ZNF256: variants seen among roughly 807,000 people sequenced by gnomAD.
ZNF256 encodes zinc finger protein 256, also known as bone marrow zinc finger 3.
In ZNF256, 4 loss-of-function variants were observed where a neutral mutation model predicts 7.9. That is an observed-to-expected ratio of 0.50 (90% CI 0.25 to 1.15). The LOEUF is 1.15. ZNF256 is among the 50% of genes most tolerant of loss of function. The probability of loss-of-function intolerance (pLI) is 0.15; values close to 1 mark genes in which losing one functional copy is unlikely to be tolerated. For synonymous variants in ZNF256, 260 were observed against 260.4 expected, an observed-to-expected ratio of 1.00 and a Z score of 0.02; for missense variants, 666 against 755.9, an observed-to-expected ratio of 0.88 and a Z score of 1.39.
At position 57,941,323 on chromosome 19, in the gene ZNF256, C is replaced by T; in HGVS notation, c.1485G>A (p.Glu495=). The change falls in exon 3 of 3, where the codon GAG becomes GAA. Residue 495 remains glutamate, a synonymous_variant. Coordinates refer to ENST00000282308, the MANE Select transcript of ZNF256 (RefSeq NM_005773.3). ...HTGARPYECG[E]CGKSFTHSST... is the part of the protein sequence containing the mutation. ...AGCTATGAGTAAATGATTTCCCACA[C>T]TCCCCACATTCATAAGGCCTTGCTC... 6.2e-7 allele frequency: 1 copy of T among 1,612,982 alleles called. No individual in the cohort carries two copies.
chr19:57,945,679 C>G (rs929820846), intron 1 of ZNF256, among the ~76,000 whole-genome samples: 10 of 152,204 alleles, frequency 6.6e-5, no homozygotes, highest in African/African-American at 1.9e-4. Flanking sequence ...ACAGCTTACA[C>G]TAGTGGAAGC....
chr19:57,947,680 C>G lies in ZNF256; in HGVS notation c.-206G>C, dbSNP rs559708462. The G allele has an allele frequency of 1.1e-3, 498 of 448,202 alleles. 1 individual carries two copies. Among genetic ancestry groups the G allele is most frequent in the African/African-American group, 9.3e-3 (463 of 49,538 alleles). The allele number at this position is 448,202 out of a possible 1,614,324, so 27.8% of individuals were successfully genotyped here. A position where few individuals can be genotyped will look rare whatever the true frequency, so the allele number is the denominator to read the frequency against. On this transcript the variant is annotated 5_prime_UTR_variant, in exon 1 of 3. Coordinates refer to ENST00000282308, the MANE Select transcript of ZNF256 (RefSeq NM_005773.3). ...CAGTCCAGACAAATGCCAAAACGAC[C>G]GCCACAAGGAGGACAACGGAAGTCC...
chr19:57,941,029 G>T lies in ZNF256; in HGVS notation c.1779C>A (p.His593Gln). Residue 593 changes from histidine (H) to glutamine (Q), a missense_variant, in exon 3 of 3, where the codon CAC becomes CAA. Coordinates refer to ENST00000282308, the MANE Select transcript of ZNF256 (RefSeq NM_005773.3). ...SFSQSSNLTN[H>Q]QRIHSGERPY... ...GCCTTTCCCCACTGTGAATTCGCTGGTGATTAGTGAGGTTAGAGCTCTGGC... is the reference window on the plus strand; with the variant it reads ...GCCTTTCCCCACTGTGAATTCGCTGTTGATTAGTGAGGTTAGAGCTCTGGC... 2 of 1,614,126 alleles carry T rather than the reference G, an allele frequency of 1.2e-6. No homozygotes were observed. Among genetic ancestry groups the T allele is most frequent in the Non-Finnish European group, 1.7e-6 (2 of 1,180,030 alleles).
At chr19:57,945,058 GC>G (rs1158843315) in intron 1 of ZNF256, among the ~76,000 whole-genome samples, 1 of 151,982 alleles carries the variant, frequency 6.6e-6, no homozygotes, top group Non-Finnish European at 1.5e-5. Flanking sequence ...ATCACGCCTG[GC>G]TAATTTTTTA....
In ZNF256 at chr19:57,942,271, C is replaced by T. The variant is rs1327242163; in HGVS notation, c.537G>A (p.Val179=). The change falls in exon 3 of 3, where the codon GTG becomes GTA. Residue 179 remains valine (V), a synonymous_variant. Coordinates refer to ENST00000282308, the MANE Select transcript of ZNF256 (RefSeq NM_005773.3). ...TCKEVGKDFL[V]RSRFLQQQAA... Reference sequence around the variant, plus strand: ...CCTGTTGCTGAAGAAATCTTGATCTCACCAGGAAATCCTTCCCAACCTCCT... The same window carrying T: ...CCTGTTGCTGAAGAAATCTTGATCTTACCAGGAAATCCTTCCCAACCTCCT... 2 of 1,614,224 alleles carry T rather than the reference C, an allele frequency of 1.2e-6. No homozygotes were observed. Among genetic ancestry groups the T allele is most frequent in the South Asian group, 1.1e-5 (1 of 91,082 alleles).
Position 57,940,846 on chromosome 19 carries a change from G to A in ZNF256, c.*78C>T, listed in dbSNP as rs55778111. The A allele has an allele frequency of 2.6e-5, 37 of 1,406,230 alleles. No homozygotes were observed. Among genetic ancestry groups the A allele is most frequent in the Admixed American group, 9.0e-5 (4 of 44,366 alleles). 87.1% of individuals were successfully genotyped at this position (1,406,230 alleles called of 1,614,324 possible). ...TATAAAACATGGTTATTGAAAATACGTATTTATTTATTTATGTCTGTGAAT... is the reference window on the plus strand; with the variant it reads ...TATAAAACATGGTTATTGAAAATACATATTTATTTATTTATGTCTGTGAAT... On this transcript the variant is annotated 3_prime_UTR_variant, in exon 3 of 3. Transcript: ENST00000282308.
At chr19:57,947,116 T>C (rs257655) in intron 1 of ZNF256, among the ~76,000 whole-genome samples, 39,363 of 152,120 alleles carry the variant, frequency 0.26, 5,468 homozygotes, top group Non-Finnish European at 0.31. Flanking sequence ...AAGGGAAACG[T>C]AGAAAGAGCC....
chr19:57,942,551 G>A lies in ZNF256; in HGVS notation c.257C>T (p.Pro86Leu), dbSNP rs764833623. ...QVRIPKALPS[P>L]QKTNPCEICG... ...TATCTCACAGGGGTTGGTCTTCTGG[G>A]GAGAAGGAAGGGCCTTAGGAATCCT... Residue 86 changes from proline (P) to leucine (L), a missense_variant, in exon 3 of 3, where the codon CCC becomes CTC. Physicochemically the swap from Pro to Leu is moderately conservative, Grantham distance 98. Transcript: ENST00000282308. The A allele has an allele frequency of 2.3e-5, 37 of 1,614,064 alleles. No homozygotes were observed. The highest frequency in any genetic ancestry group is 2.9e-5 in the Non-Finnish European group (34 of 1,180,050).
rs1011268320 is a variant in ZNF256 at position 57,941,402 on chromosome 19, C to T, written c.1406G>A (p.Gly469Glu). 2 of 1,614,076 alleles carry T rather than the reference C, an allele frequency of 1.2e-6. No homozygotes were observed. Among genetic ancestry groups the T allele is most frequent in the African/African-American group, 2.7e-5 (2 of 74,918 alleles). Residue 469 changes from glycine to glutamate, a missense_variant, in exon 3 of 3, where the codon GGA becomes GAA. Coordinates refer to ENST00000282308, the MANE Select transcript of ZNF256 (RefSeq NM_005773.3). ...GERPYECSECGKSFTCKSYLI... is the reference protein window; with the variant it reads ...GERPYECSECEKSFTCKSYLI... ...GTAGGATTTACAGGTAAAGGATTTTCCACATTCACTGCACTCATATGGCCT... is the reference window on the plus strand; with the variant it reads ...GTAGGATTTACAGGTAAAGGATTTTTCACATTCACTGCACTCATATGGCCT...
rs370873863 is a variant in ZNF256, at chr19:57,942,426, G to C, written c.382C>G (p.Gln128Glu). ...TGCTGATGAAGGTATGCAGTAAATT[G>C]TAATTGTTTCCTACATGCCCCGTCT... is the stretch of plus-strand genomic sequence containing the variant. ...YTDGACRKQL[Q>E]FTAYLHQHQK... is the part of the protein sequence containing the mutation. Residue 128 changes from glutamine to glutamate, a missense_variant, in exon 3 of 3, where the codon CAA (glutamine) becomes GAA (glutamate). Coordinates refer to ENST00000282308, the MANE Select transcript of ZNF256 (RefSeq NM_005773.3). 145 of 1,612,900 alleles carry C rather than the reference G, an allele frequency of 9.0e-5. No individual in the cohort carries two copies. The highest frequency in any genetic ancestry group is 1.2e-4 in the Non-Finnish European group (145 of 1,178,950).
chr19:57,944,273 T>G (rs1262126547), intron 1 of ZNF256, among the ~76,000 whole-genome samples: 1 of 152,144 alleles, frequency 6.6e-6, no homozygotes, highest in Non-Finnish European at 1.5e-5. Flanking sequence ...GGTGAACAAA[T>G]ACATGTATCT....
At position 57,941,848 on chromosome 19, in the gene ZNF256, T is replaced by C. The variant is rs2072731059; in HGVS notation, c.960A>G (p.Glu320=). The change falls in exon 3 of 3, where the codon GAA becomes GAG. Residue 320 remains glutamate, a synonymous_variant. Transcript: ENST00000282308. ...LLIHQRVHTG[E]RPYKCSECGK... ...CACATTCACTGCACTTGTAAGGCCT[T>C]TCTCCAGTATGAACTCTCTGATGTA... The C allele has an allele frequency of 6.2e-7, 1 of 1,614,218 alleles. No individual in the cohort carries two copies. The highest frequency in any genetic ancestry group is 8.5e-7 in the Non-Finnish European group (1 of 1,180,038).
At chr19:57,943,886 A>G in intron 2 of ZNF256, 48 bp downstream of exon 2, 1 of 1,601,022 alleles carries the variant, frequency 6.2e-7, no homozygotes, top group Non-Finnish European at 8.5e-7. Context: ...GGGAAAGGGT[A>G]AGAGCAAAGG....
Position 57,942,302 on chromosome 19 carries a change from G to T in ZNF256, c.506C>A (p.Thr169Asn). The change falls in exon 3 of 3, where the codon ACT becomes AAT. Residue 169 changes from threonine (T) to asparagine (N), a missense_variant. Coordinates refer to ENST00000282308, the MANE Select transcript of ZNF256 (RefSeq NM_005773.3). Reference protein sequence around the residue: ...CTFEVSGKPFTCKEVGKDFLV... With the variant: ...CTFEVSGKPFNCKEVGKDFLV... ...GAAATCCTTCCCAACCTCCTTGCAA[G>T]TGAAGGGCTTCCCAGATACTTCAAA... 1.9e-6 allele frequency: 3 copies of T among 1,614,226 alleles called. No homozygotes were observed. The highest frequency in any genetic ancestry group is 2.5e-6 in the Non-Finnish European group (3 of 1,180,042).
Position 57,942,301 on chromosome 19 carries a change from A to C in ZNF256, c.507T>G (p.Thr169=). 6.2e-7 allele frequency: 1 copy of C among 1,614,218 alleles called. No homozygotes were observed. The change falls in exon 3 of 3, where the codon ACT becomes ACG. Residue 169 remains threonine (T), a synonymous_variant. Coordinates refer to ENST00000282308, the MANE Select transcript of ZNF256 (RefSeq NM_005773.3). ...GGAAATCCTTCCCAACCTCCTTGCA[A>C]GTGAAGGGCTTCCCAGATACTTCAA... ...CTFEVSGKPF[T]CKEVGKDFLV...
rs985253623 is a variant in ZNF256 at position 57,942,092 on chromosome 19, T to A, written c.716A>T (p.Tyr239Phe). ...AGATTTCCCACATTCACTGCACATG[T>A]AAGATCTTTCCCTAATGAGGTCTCC... ...HQGDLIRERS[Y>F]MCSECGKSFS... is the part of the protein sequence containing the mutation. The change falls in exon 3 of 3, where the codon TAC becomes TTC. Residue 239 changes from tyrosine (Y) to phenylalanine (F), a missense_variant. Physicochemically the swap from Tyr to Phe is conservative, Grantham distance 22. Transcript: ENST00000282308. The A allele has an allele frequency of 6.2e-6, 10 of 1,614,130 alleles. No individual in the cohort carries two copies. Among genetic ancestry groups the A allele is most frequent in the Non-Finnish European group, 7.6e-6 (9 of 1,180,056 alleles).
Position 57,941,148 on chromosome 19 carries a change from T to C in ZNF256, c.1660A>G (p.Lys554Glu). 1.9e-6 allele frequency: 3 copies of C among 1,614,190 alleles called. No homozygotes were observed. The highest frequency in any genetic ancestry group is 2.5e-6 in the Non-Finnish European group (3 of 1,180,024). ...AGGCTAGAGTGGTTACTAAAGGATTTCCAACACTCACTGCACTCATAAGGC... is the reference window on the plus strand; with the variant it reads ...AGGCTAGAGTGGTTACTAAAGGATTCCCAACACTCACTGCACTCATAAGGC... ...ERPYECSECW[K>E]SFSNHSSLVK... The change falls in exon 3 of 3, where the codon AAA becomes GAA. Residue 554 changes from lysine to glutamate, a missense_variant. Coordinates refer to ENST00000282308, the MANE Select transcript of ZNF256 (RefSeq NM_005773.3).
intron 1 of ZNF256, among the ~76,000 whole-genome samples, chr19:57,945,330 G>A (rs2072759456): frequency 6.6e-6 from 1 of 152,236 alleles, no homozygotes; most frequent in African/African-American, 2.4e-5. Context: ...GTAGCATCAA[G>A]ATGGAGAAGC....
chr19:57,947,497 G>A lies in ZNF256; in HGVS notation c.-23C>T, dbSNP rs1336336923. On this transcript the variant is annotated 5_prime_UTR_variant, in exon 1 of 3. Coordinates refer to ENST00000282308, the MANE Select transcript of ZNF256 (RefSeq NM_005773.3). ...CATCTGACTCTGTGAGCGGAGCGGG[G>A]CCAGAGAGGATGTCCTTATTCCGGG... 4 of 1,249,112 alleles carry A rather than the reference G, an allele frequency of 3.2e-6. No homozygotes were observed. The highest frequency in any genetic ancestry group is 4.0e-6 in the Non-Finnish European group (4 of 988,612). 77.4% of individuals were successfully genotyped at this position (1,249,112 alleles called of 1,614,324 possible). A position where few individuals can be genotyped will look rare whatever the true frequency, so the allele number is the denominator to read the frequency against.
Sources: allele counts gnomAD v4.1 joint callset (sites outside exome capture counted in the v4.1 genomes callset), GRCh38; gene constraint gnomAD v4.1.1; transcripts MANE v1.5; gene names NCBI Gene and HGNC (gene_info 2026-07-23, HGNC 2026-07-21).